The following PCDHGB6 variants were observed in gnomAD, a reference collection of about 807,000 sequenced individuals.
The protein encoded by PCDHGB6 is protocadherin gamma-B6.
PCDHGB6 carries 51 observed loss-of-function variants against 59.1 expected under a neutral mutation model. The observed-to-expected ratio is 0.86, with a 90% CI of 0.69 to 1.09. The LOEUF (loss-of-function observed/expected upper bound fraction) is 1.09, where lower values mean the gene tolerates loss of function less well. PCDHGB6 is among the 50% of genes least tolerant of loss of function. The pLI, the probability that PCDHGB6 is intolerant of heterozygous loss-of-function variation, is 0.00. For synonymous variants in PCDHGB6, 466 were observed against 495.1 expected, an observed-to-expected ratio of 0.94 and a Z score of 0.78; for missense variants, 1,148 against 1,205.1, an observed-to-expected ratio of 0.95 and a Z score of 0.70.
At chr5:141,433,034 C>T in intron 1 of PCDHGB6, 1 of 1,614,184 alleles carries the variant, frequency 6.2e-7, no homozygotes. Flanking sequence ...CGAGGTTTCC[C>T]TCACCACGGA....
chr5:141,419,846 G>T (rs1407937968), intron 1 of PCDHGB6: 2 of 1,614,066 alleles, frequency 1.2e-6, no homozygotes, highest in Non-Finnish European at 1.7e-6. Context: ...GCTGCACCTG[G>T]TGTTCGCAGA....
intron 1 of PCDHGB6, chr5:141,423,607 A>T (rs777606404): frequency 6.2e-7 from 1 of 1,612,176 alleles, no homozygotes; most frequent in Admixed American, 1.7e-5. Flanking sequence ...GCCACTCTTG[A>T]TAGCTGAAGA....
chr5:141,419,769 C>A (rs773303779), intron 1 of PCDHGB6: 14 of 1,614,006 alleles, frequency 8.7e-6, no homozygotes, highest in East Asian at 4.5e-5. Context: ...GACAAGGACT[C>A]GGTCCGCCAG....
At chr5:141,478,920 C>A (rs559060283) in intron 1 of PCDHGB6, 1 of 728,392 alleles carries the variant, frequency 1.4e-6, no homozygotes. Context: ...ATACCTCTAA[C>A]CAGTGGCAGC....
intron 1 of PCDHGB6, among the ~76,000 whole-genome samples, chr5:141,473,350 G>A (rs28461214): frequency 0.13 from 19,833 of 152,204 alleles, 1,410 homozygotes; most frequent in African/African-American, 0.17. Context: ...CAGTGAGGAT[G>A]CAAGTGGCCA....
Position 141,408,645 on chromosome 5 carries a change from C to T in PCDHGB6, c.443C>T (p.Ala148Val), listed in dbSNP as rs763904747. Reference protein sequence around the residue: ...IHLEIFESASAGTRLSLDPAT... With the variant: ...IHLEIFESASVGTRLSLDPAT... ...TTAGAAATTTTCGAATCTGCATCCGCTGGTACACGACTATCGCTTGACCCT... is the reference window on the plus strand; with the variant it reads ...TTAGAAATTTTCGAATCTGCATCCGTTGGTACACGACTATCGCTTGACCCT... Residue 148 changes from alanine (A) to valine (V), a missense_variant, in exon 1 of 4, where the codon GCT becomes GTT. Ala to Val is a moderately conservative substitution (Grantham distance 64). Around this residue, in one of 5 missense-constraint regions of PCDHGB6, gnomAD observed 307 missense variants for 323.8 expected, o/e 0.95. Coordinates refer to ENST00000520790, the MANE Select transcript of PCDHGB6 (RefSeq NM_018926.3). 6.2e-6 allele frequency: 10 copies of T among 1,613,890 alleles called. No individual in the cohort carries two copies. The highest frequency in any genetic ancestry group is 8.5e-6 in the Non-Finnish European group (10 of 1,179,904).
intron 1 of PCDHGB6, chr5:141,421,898 A>T: frequency 6.2e-7 from 1 of 1,613,736 alleles, no homozygotes; most frequent in Non-Finnish European, 8.5e-7. Flanking sequence ...CCCATCCGAA[A>T]GGGCGCAGTT....
chr5:141,419,121 C>T, intron 1 of PCDHGB6: 5 of 1,613,882 alleles, frequency 3.1e-6, no homozygotes, highest in Non-Finnish European at 3.4e-6. Flanking sequence ...TACAACGTCA[C>T]CATCGCAGCC....
At position 141,489,728 on chromosome 5, in the gene PCDHGB6, G is replaced by T; in HGVS notation, c.2419-5079G>T. ...GACAGTGCCCAGGATCCGGATGTGGGCACCAATACTGTGAGCTTTTACACT... is the reference window on the plus strand; with the variant it reads ...GACAGTGCCCAGGATCCGGATGTGGTCACCAATACTGTGAGCTTTTACACT... On this transcript the variant is annotated intron_variant, in intron 1 of 3. Transcript: ENST00000520790. The surrounding 1 kb of genome is among the most constrained non-coding windows in gnomAD (Gnocchi z 4.5). The T allele has an allele frequency of 3.1e-6, 5 of 1,614,138 alleles. No homozygotes were observed. The South Asian group carries it at 5.5e-5, about 18-fold the overall frequency.
intron 1 of PCDHGB6, among the ~76,000 whole-genome samples, chr5:141,473,107 C>A (rs2099314182): frequency 6.6e-6 from 1 of 152,134 alleles, no homozygotes; most frequent in Admixed American, 6.5e-5. Flanking sequence ...TATTACCACA[C>A]TTTACTTGGC....
At chr5:141,462,540 TTTC>T (rs2099042260) in intron 1 of PCDHGB6, among the ~76,000 whole-genome samples, 1 of 152,204 alleles carries the variant, frequency 6.6e-6, no homozygotes, top group East Asian at 1.9e-4. Flanking sequence ...TCAGTGATCT[TTTC>T]TTCTTCAGTG....
chr5:141,478,744 T>C, intron 1 of PCDHGB6: 1 of 1,528,172 alleles, frequency 6.5e-7, no homozygotes, highest in Non-Finnish European at 8.8e-7. Flanking sequence ...TGTGGTCCCA[T>C]TTCAGGGGGA....
intron 1 of PCDHGB6, among the ~76,000 whole-genome samples, chr5:141,469,186 G>T (rs536021769): frequency 6.6e-6 from 1 of 151,978 alleles, no homozygotes; most frequent in Admixed American, 6.6e-5. Flanking sequence ...TGAGGCAAGA[G>T]GATTGCTTGA....
At chr5:141,419,315 C>T in intron 1 of PCDHGB6, 1 of 1,613,998 alleles carries the variant, frequency 6.2e-7, no homozygotes. Flanking sequence ...GCTCAACGGC[C>T]GTGTCTCCTA....
intron 1 of PCDHGB6, chr5:141,420,388 A>G (rs986892784): frequency 3.1e-6 from 4 of 1,282,144 alleles, no homozygotes; most frequent in Non-Finnish European, 4.1e-6. Context: ...TTCGCAAAAT[A>G]TAGGTCAAAT....
At chr5:141,421,618 G>T (rs748399893) in intron 1 of PCDHGB6, 1 of 1,613,766 alleles carries the variant, frequency 6.2e-7, no homozygotes, top group Non-Finnish European at 8.5e-7. Flanking sequence ...TAATGATAAC[G>T]CCCCCAGCTT....
chr5:141,456,353 G>A (rs1041991824), intron 1 of PCDHGB6, among the ~76,000 whole-genome samples: 2 of 152,120 alleles, frequency 1.3e-5, no homozygotes, highest in South Asian at 2.1e-4. Context: ...GAAGAATGGC[G>A]TCCATGTGTG....
intron 1 of PCDHGB6, 162 bp from the exon 2 acceptor site, chr5:141,494,645 G>A: frequency 1.1e-6 from 1 of 935,948 alleles, no homozygotes. Flanking sequence ...GAGACCTGAG[G>A]TGTATTTTGT....
rs188874944 is a variant in PCDHGB6, at chr5:141,446,708, C to T, written c.2418+36088C>T. Among the ~76,000 whole-genome samples, 183 of 152,314 alleles carry T rather than the reference C, an allele frequency of 1.2e-3. 1 individual carries two copies. The highest frequency in any genetic ancestry group is 2.1e-3 in the Admixed American group (32 of 15,302). On this transcript the variant is annotated intron_variant, in intron 1 of 3. Coordinates refer to ENST00000520790, the MANE Select transcript of PCDHGB6 (RefSeq NM_018926.3). ...GGCCAGGCTGGTCTCGAACTCTGAT[C>T]TGCCCGCCTCGGCCTCCCAAAGTGT...
Sources: gnomAD v4.1 joint callset for allele counts (sites outside exome capture counted in the v4.1 genomes callset) on GRCh38, gnomAD v4.1.1 for gene constraint, gnomAD v4.1.1 regional missense constraint, Gnocchi (gnomAD v3.1) non-coding constraint, MANE v1.5 for transcripts, NCBI Gene and HGNC (gene_info 2026-07-23, HGNC 2026-07-21) for gene names.